Variants in CSMD1 observed in about 807,000 individuals in gnomAD.
CSMD1 encodes the protein CUB and sushi domain-containing protein 1.
A neutral mutation model predicts 417.5 loss-of-function variants in CSMD1; 213 were observed. The ratio of observed to expected loss-of-function variants is 0.51; its 90% CI spans 0.46 to 0.57. CSMD1 has a LOEUF of 0.57. Among genes scored for constraint, CSMD1 ranks in the 20% least tolerant of loss-of-function variants. The pLI is 0.00. For missense variants in CSMD1, 6,923 were observed against 4,529.7 expected (o/e 1.53, Z -15.17); for synonymous variants, 2,862 against 1,736.8 (o/e 1.65, Z -16.11).
chr8:4,686,044 A>T (rs926475785), intron 1 of CSMD1, among the ~76,000 whole-genome samples: 1 of 152,162 alleles, frequency 6.6e-6, no homozygotes, highest in Non-Finnish European at 1.5e-5. Context: ...AAGGGAGGTA[A>T]TTGGCAGTTT....
chr8:3,838,828 TATA>T (rs371253630), intron 5 of CSMD1, among the ~76,000 whole-genome samples: 17,030 of 82,516 alleles, frequency 0.21, 1,996 homozygotes, highest in African/African-American at 0.33. Context: ...ACTATTAATA[TATA>T]ATATTAATTA....
At chr8:3,253,284 T>G (rs188210304) in intron 26 of CSMD1, among the ~76,000 whole-genome samples, 26 of 152,300 alleles carry the variant, frequency 1.7e-4, no homozygotes, top group Non-Finnish European at 2.6e-4. Context: ...ATTTCGTTAT[T>G]TACCCAGTAG....
intron 10 of CSMD1, among the ~76,000 whole-genome samples, chr8:3,500,090 G>A (rs1367350148): frequency 6.6e-6 from 1 of 152,066 alleles, no homozygotes; most frequent in Non-Finnish European, 1.5e-5. Context: ...CTACAATCGG[G>A]AGTCCTTTTT....
At chr8:3,712,831 G>C (rs533533593) in intron 6 of CSMD1, among the ~76,000 whole-genome samples, 1 of 152,122 alleles carries the variant, frequency 6.6e-6, no homozygotes, top group East Asian at 1.9e-4. Flanking sequence ...ATACATTGTG[G>C]TCTACAGAGG....
intron 14 of CSMD1, among the ~76,000 whole-genome samples, chr8:3,406,922 C>G (rs542041722): frequency 4.6e-5 from 7 of 152,274 alleles, no homozygotes; most frequent in African/African-American, 1.7e-4. Flanking sequence ...ATCCTTGGCT[C>G]CTGACATCAT....
chr8:4,373,988 G>C (rs1466176040), intron 3 of CSMD1, among the ~76,000 whole-genome samples: 1 of 152,172 alleles, frequency 6.6e-6, no homozygotes, highest in African/African-American at 2.4e-5. Context: ...TAACGGAAAA[G>C]CCAGTATGAA....
intron 8 of CSMD1, among the ~76,000 whole-genome samples, chr8:3,609,546 C>G (rs1801785965): frequency 2.0e-5 from 3 of 151,782 alleles, no homozygotes; most frequent in Non-Finnish European, 2.9e-5. Context: ...CTCAAGAACC[C>G]AGAATAATAC....
In CSMD1 at chr8:3,826,367, G is replaced by C. The variant is rs112318823; in HGVS notation, c.819-72325C>G. On this transcript the variant is annotated intron_variant, in intron 5 of 69. Transcript: ENST00000635120. ...TTTGGGTTTGAAAATTGCCTCTGATGCAAATTCTGGGAGAGTTCCCAAGAC... is the reference window on the plus strand; with the variant it reads ...TTTGGGTTTGAAAATTGCCTCTGATCCAAATTCTGGGAGAGTTCCCAAGAC... Among the ~76,000 whole-genome samples, 1,102 of 152,248 alleles carry C rather than the reference G, an allele frequency of 7.2e-3. 14 individuals carry two copies. The highest frequency in any genetic ancestry group is 0.025 in the African/African-American group (1,036 of 41,558).
At chr8:3,006,452 C>T (rs1245153490) in intron 52 of CSMD1, among the ~76,000 whole-genome samples, 1 of 151,848 alleles carries the variant, frequency 6.6e-6, no homozygotes, top group Admixed American at 6.6e-5. Flanking sequence ...CAAAAAAGAG[C>T]CCGAATCACC....
At chr8:4,557,408 A>G (rs1798143408) in intron 2 of CSMD1, among the ~76,000 whole-genome samples, 1 of 151,954 alleles carries the variant, frequency 6.6e-6, no homozygotes, top group South Asian at 2.1e-4. Context: ...CAGCATAGTA[A>G]TCCATCTGAA....
intron 3 of CSMD1, among the ~76,000 whole-genome samples, chr8:4,334,062 TATGATGATG>T (rs560964262): frequency 2.6e-5 from 4 of 151,582 alleles, no homozygotes; most frequent in South Asian, 2.1e-4. Context: ...TTTCATTAAT[TATGATGATG>T]ATGATGATGA....
Position 4,848,310 on chromosome 8 carries a change from T to C in CSMD1, c.85+146022A>G, listed in dbSNP as rs117201562. 8.3e-3 allele frequency among the ~76,000 whole-genome samples: 1,266 copies of C among 152,344 alleles called. 13 individuals carry two copies. The highest frequency in any genetic ancestry group is 0.035 in the South Asian group (169 of 4,830). On this transcript the variant is annotated intron_variant, in intron 1 of 69. Coordinates refer to ENST00000635120, the MANE Select transcript of CSMD1 (RefSeq NM_033225.6). ...TGTACCAGTTTTTGTGTGAATACAG[T>C]CATGTGCTGGATAACCACCTTTTGG...
chr8:3,958,985 C>A (rs1812148391), intron 5 of CSMD1, among the ~76,000 whole-genome samples: 1 of 152,148 alleles, frequency 6.6e-6, no homozygotes. Context: ...CGGTCTGGGC[C>A]TTCTCCCATG....
chr8:3,995,513 G>A lies in CSMD1; in HGVS notation c.818+2390C>T, dbSNP rs558864025. Among the ~76,000 whole-genome samples the A allele has an allele frequency of 1.3e-3, 205 of 152,276 alleles. 1 individual carries two copies. Among genetic ancestry groups the A allele is most frequent in the African/African-American group, 4.7e-3 (197 of 41,564 alleles). ...AACTCTACTTCTCTGACAGGGCATT[G>A]AAGCTCAGACCTGGACTACACTGAC... On this transcript the variant is annotated intron_variant, in intron 5 of 69. Coordinates refer to ENST00000635120, the MANE Select transcript of CSMD1 (RefSeq NM_033225.6).
At chr8:4,426,260 A>T (rs1797546575) in intron 2 of CSMD1, among the ~76,000 whole-genome samples, 1 of 151,774 alleles carries the variant, frequency 6.6e-6, no homozygotes, top group African/African-American at 2.4e-5. Context: ...TATTTTTTAT[A>T]AGTTATTCCA....
At chr8:4,390,207 G>A (rs1322536374) in intron 3 of CSMD1, among the ~76,000 whole-genome samples, 2 of 152,024 alleles carry the variant, frequency 1.3e-5, no homozygotes, top group East Asian at 1.9e-4. Flanking sequence ...ACATGTTTTT[G>A]ACCAGTCAGG....
intron 42 of CSMD1, among the ~76,000 whole-genome samples, chr8:3,115,404 G>A (rs1277684079): frequency 6.6e-6 from 1 of 152,134 alleles, no homozygotes; most frequent in African/African-American, 2.4e-5. Flanking sequence ...GTTTTGCCAT[G>A]TTGGCCAGGC....
At chr8:4,680,977 A>AGC (rs1182866054) in intron 1 of CSMD1, among the ~76,000 whole-genome samples, 7 of 124,456 alleles carry the variant, frequency 5.6e-5, no homozygotes, top group East Asian at 4.6e-4. Flanking sequence ...TGTGTGTGTG[A>AGC]GAGAGAGAGA....
rs570274261 is a variant in CSMD1, at chr8:4,251,606, T to A, written c.415+168347A>T. 3.3e-5 allele frequency among the ~76,000 whole-genome samples: 5 copies of A among 152,226 alleles called. No individual in the cohort carries two copies. In the South Asian group the frequency reaches 6.2e-4, roughly 19 times the overall value. Reference sequence around the variant, plus strand: ...CCAACCCAAAAGTAAATGAGACAGGTTTCATGTCTGGATATTACACACTGG... The same window carrying A: ...CCAACCCAAAAGTAAATGAGACAGGATTCATGTCTGGATATTACACACTGG... On this transcript the variant is annotated intron_variant, in intron 3 of 69. Coordinates refer to ENST00000635120, the MANE Select transcript of CSMD1 (RefSeq NM_033225.6).
Sources: allele counts gnomAD v4.1 joint callset (sites outside exome capture counted in the v4.1 genomes callset), GRCh38; gene constraint gnomAD v4.1.1; transcripts MANE v1.5; gene names NCBI Gene and HGNC (gene_info 2026-07-23, HGNC 2026-07-21).